CERT1: variants seen among roughly 807,000 people sequenced by gnomAD.
CERT1 encodes the protein ceramide transfer protein.
A neutral mutation model predicts 87.9 loss-of-function variants in CERT1; 31 were observed. The observed-to-expected ratio is 0.35, with a 90% CI of 0.27 to 0.48. CERT1 has a LOEUF of 0.48. Ranked by LOEUF, CERT1 falls within the 20% of genes least tolerant of loss-of-function variation. The probability of loss-of-function intolerance (pLI) is 0.99; values close to 1 mark genes in which losing one functional copy is unlikely to be tolerated. For synonymous variants in CERT1, 289 were observed against 250.9 expected (o/e 1.15, Z -1.44); for missense variants, 487 against 758.0 (o/e 0.64, Z 4.20).
At chr5:75,469,114 A>G (rs1258047019) in intron 2 of CERT1, among the ~76,000 whole-genome samples, 1 of 152,196 alleles carries the variant, frequency 6.6e-6, no homozygotes, top group Non-Finnish European at 1.5e-5. Flanking sequence ...ATGGATTGAA[A>G]TAATAATTAA....
intron 5 of CERT1, among the ~76,000 whole-genome samples, chr5:75,423,970 T>C (rs1026817220): frequency 1.3e-5 from 2 of 151,970 alleles, no homozygotes; most frequent in Non-Finnish European, 2.9e-5. Context: ...AAAAGAGAAA[T>C]GAAACCATGT....
chr5:75,427,548 G>C (rs915336852), intron 3 of CERT1, among the ~76,000 whole-genome samples: 4 of 152,178 alleles, frequency 2.6e-5, no homozygotes, highest in African/African-American at 9.7e-5. Context: ...GCAGTGAGCC[G>C]AGATTACGCC....
chr5:75,498,658 TCAGAGGATGTATGGA>T (rs1767191732), intron 2 of CERT1, among the ~76,000 whole-genome samples: 1 of 152,238 alleles, frequency 6.6e-6, no homozygotes, highest in Admixed American at 6.5e-5. Flanking sequence ...CGCCTACATT[TCAGAGGATGTATGGA>T]AACACCTGGA....
chr5:75,391,395 T>C (rs1762023298), intron 11 of CERT1, among the ~76,000 whole-genome samples: 1 of 152,212 alleles, frequency 6.6e-6, no homozygotes, highest in Non-Finnish European at 1.5e-5. Flanking sequence ...AAAAGAAATT[T>C]TTTGACAAAA....
intron 2 of CERT1, among the ~76,000 whole-genome samples, chr5:75,492,353 G>A (rs1199577515): frequency 6.6e-6 from 1 of 151,984 alleles, no homozygotes; most frequent in Non-Finnish European, 1.5e-5. Context: ...GCAGCATTAG[G>A]CCCTGTTTAA....
Position 75,419,538 on chromosome 5 carries a change from A to T in CERT1, c.596-114T>A, listed in dbSNP as rs1218523955. On this transcript the variant is annotated intron_variant, in intron 5 of 16. Transcript: ENST00000643780. The stretch of plus-strand genomic sequence containing the variant: ...ATTCTGATTCTGAGTATGAAGTCTT[A>T]CTCATCTTTGTATTTTCACTGGTAA... The T allele has an allele frequency of 3.5e-5, 25 of 708,298 alleles. No individual in the cohort carries two copies. The East Asian group carries it at 6.7e-4, about 19-fold the overall frequency. The allele number at this position is 708,298 out of a possible 1,614,324, so 43.9% of individuals were successfully genotyped here. A position where few individuals can be genotyped will look rare whatever the true frequency, so the allele number is the denominator to read the frequency against.
intron 15 of CERT1, among the ~76,000 whole-genome samples, chr5:75,381,653 G>A (rs530596288): frequency 6.6e-6 from 1 of 152,088 alleles, no homozygotes; most frequent in Non-Finnish European, 1.5e-5. Flanking sequence ...AGTTGATAAC[G>A]GCTTAAGAGA....
intron 5 of CERT1, among the ~76,000 whole-genome samples, chr5:75,422,008 C>T: frequency 6.6e-6 from 1 of 152,122 alleles, no homozygotes; most frequent in East Asian, 1.9e-4. Context: ...GTTTATAATG[C>T]TAGCTCATAC....
intron 17 of CERT1, chr5:75,370,952 CAA>C (rs373729532): frequency 0.24 from 23,763 of 97,370 alleles, 2,578 homozygotes; most frequent in African/African-American, 0.4. Flanking sequence ...ACTCTGTCTC[CAA>C]AAAAAAAAAA....
At chr5:75,490,495 TTTTA>T (rs1049215657) in intron 2 of CERT1, among the ~76,000 whole-genome samples, 25 of 150,226 alleles carry the variant, frequency 1.7e-4, no homozygotes, top group Admixed American at 4.6e-4. Flanking sequence ...TGTACGAAAT[TTTTA>T]TTTATTTATT....
chr5:75,404,920 T>C (rs764708348), intron 8 of CERT1, among the ~76,000 whole-genome samples: 2 of 152,014 alleles, frequency 1.3e-5, no homozygotes, highest in Non-Finnish European at 1.5e-5. Flanking sequence ...GGCACAATAA[T>C]TGCTTGAACC....
intron 3 of CERT1, among the ~76,000 whole-genome samples, chr5:75,439,404 CCTT>C (rs1182238924): frequency 7.2e-5 from 11 of 151,804 alleles, no homozygotes; most frequent in East Asian, 5.8e-4. Flanking sequence ...CTTTTGAAAA[CCTT>C]CTTCTTTTTC....
At chr5:75,454,623 A>G (rs1454715005) in intron 3 of CERT1, among the ~76,000 whole-genome samples, 1 of 152,230 alleles carries the variant, frequency 6.6e-6, no homozygotes, top group Non-Finnish European at 1.5e-5. Flanking sequence ...AGAGCCTTCA[A>G]GATGAGAAGA....
intron 12 of CERT1, 118 bp from the exon 13 acceptor site, chr5:75,386,152 C>T: frequency 9.5e-6 from 7 of 740,140 alleles, no homozygotes; most frequent in Non-Finnish European, 1.3e-5. Flanking sequence ...ATTTATAGAA[C>T]ATATTCTGCT....
intron 3 of CERT1, among the ~76,000 whole-genome samples, chr5:75,438,625 G>C (rs1764189580): frequency 6.6e-6 from 1 of 151,986 alleles, no homozygotes; most frequent in Non-Finnish European, 1.5e-5. Context: ...CCATTATTTT[G>C]AAAACATAAA....
chr5:75,484,758 G>A (rs1405641925), intron 2 of CERT1, among the ~76,000 whole-genome samples: 52 of 151,742 alleles, frequency 3.4e-4, no homozygotes, highest in Non-Finnish European at 1.5e-5. Context: ...TAAAGAGAGA[G>A]ACCATTATAC....
At chr5:75,381,032 C>T in intron 16 of CERT1, 40 bp downstream of exon 16, 2 of 1,606,372 alleles carry the variant, frequency 1.2e-6, no homozygotes, top group Non-Finnish European at 8.5e-7. Context: ...TGATCAAGAA[C>T]AGCCACATTA....
At chr5:75,509,612 CG>C (rs557417063) in intron 1 of CERT1, among the ~76,000 whole-genome samples, 9 of 151,980 alleles carry the variant, frequency 5.9e-5, no homozygotes, top group Non-Finnish European at 8.8e-5. Context: ...CTTTTTCCCC[CG>C]GTCACTCCAC....
intron 3 of CERT1, among the ~76,000 whole-genome samples, chr5:75,438,281 G>C (rs868836359): frequency 2.6e-4 from 39 of 152,250 alleles, no homozygotes; most frequent in African/African-American, 9.1e-4. Flanking sequence ...TTATCAAACT[G>C]TTCTAAAAAA....
Sources: gnomAD v4.1 joint callset for allele counts (sites outside exome capture counted in the v4.1 genomes callset) on GRCh38, gnomAD v4.1.1 for gene constraint, MANE v1.5 for transcripts, NCBI Gene and HGNC (gene_info 2026-07-23, HGNC 2026-07-21) for gene names.